Variants in AMMECR1 observed in about 807,000 individuals in gnomAD.
AMMECR1 encodes nuclear protein AMMECR1.
AMMECR1 carries 3 observed loss-of-function variants against 22.5 expected under a neutral mutation model. The observed-to-expected ratio is 0.13, with a 90% CI of 0.06 to 0.35. The LOEUF (loss-of-function observed/expected upper bound fraction) is 0.35. Among genes scored for constraint, AMMECR1 ranks in the 10% least tolerant of loss-of-function variants. The pLI, the probability that AMMECR1 is intolerant of heterozygous loss-of-function variation, is 1.00. For missense variants in AMMECR1, 235 were observed against 278.7 expected, an observed-to-expected ratio of 0.84 and a Z score of 1.12; for synonymous variants, 130 against 116.7, an observed-to-expected ratio of 1.11 and a Z score of -0.74.
In AMMECR1 at chrX:110,317,795, C is replaced by A; in HGVS notation, c.277G>T (p.Val93Leu). 2 of 1,168,156 alleles carry A rather than the reference C, an allele frequency of 1.7e-6. No individual in the cohort carries two copies. Among genetic ancestry groups the A allele is most frequent in the Non-Finnish European group, 2.3e-6 (2 of 873,311 alleles). ...IALSPPPSCG[V>L]GTLLSTPAAA... ...GCCGGGGTAGAAAGTAGGGTCCCCA[C>A]TCCGCAGCTCGGAGGTGGCGACAGG... Residue 93 changes from valine (V) to leucine (L), a missense_variant, in exon 1 of 6, where the codon GTG becomes TTG. By Grantham distance (32) the Val-to-Leu change is conservative (BLOSUM62 1). Transcript: ENST00000262844.
At chrX:110,321,268 G>T (rs1034798986), upstream of AMMECR1, among the ~76,000 whole-genome samples, 1 of 110,659 alleles carries the variant, frequency 9.0e-6, no homozygotes, top group Non-Finnish European at 1.9e-5. Context: ...ATACTGGACT[G>T]CAGTGATAAT....
intron 1 of AMMECR1, among the ~76,000 whole-genome samples, chrX:110,280,560 T>C (rs1213618694): frequency 1.8e-5 from 2 of 111,799 alleles, no homozygotes; most frequent in Non-Finnish European, 3.8e-5. Flanking sequence ...AATACTTATA[T>C]AACATTTTTA....
intron 2 of AMMECR1, among the ~76,000 whole-genome samples, chrX:110,345,620 G>A (rs182395306): frequency 6.0e-4 from 66 of 110,527 alleles, no homozygotes; most frequent in Middle Eastern, 4.7e-3. Context: ...TACCTACTGG[G>A]TACTCTGCTC....
chrX:110,368,192 A>G (rs2068311852), intron 2 of AMMECR1, among the ~76,000 whole-genome samples: 1 of 109,737 alleles, frequency 9.1e-6, no homozygotes, highest in African/African-American at 3.3e-5. Context: ...ACCTTAATCC[A>G]AGCCAGCATC....
At chrX:110,394,200 A>C (rs2068513581) in intron 2 of AMMECR1, among the ~76,000 whole-genome samples, 1 of 112,893 alleles carries the variant, frequency 8.9e-6, no homozygotes, top group Admixed American at 9.3e-5. Flanking sequence ...ATGTTTAATT[A>C]ACTTATTAAT....
intron 2 of AMMECR1, among the ~76,000 whole-genome samples, chrX:110,228,919 G>C (rs1037689110): frequency 2.7e-5 from 3 of 112,285 alleles, no homozygotes; most frequent in African/African-American, 9.7e-5. Context: ...TTTTAAAATA[G>C]AGTATTTGGT....
Position 110,242,295 on chromosome X carries a change from A to G in AMMECR1, c.584+22194T>C, listed in dbSNP as rs140398217. On this transcript the variant is annotated intron_variant, in intron 2 of 5. Transcript: ENST00000262844. ...TAGAAACCTTCAAAATATCAGAACTACCAAATGTGTTTTCTTAAGAACATT... is the reference window on the plus strand; with the variant it reads ...TAGAAACCTTCAAAATATCAGAACTGCCAAATGTGTTTTCTTAAGAACATT... 4.6e-3 allele frequency among the ~76,000 whole-genome samples: 518 copies of G among 112,009 alleles called. 3 individuals are homozygous for G. Among genetic ancestry groups the G allele is most frequent in the African/African-American group, 0.016 (504 of 30,835 alleles).
intron 2 of AMMECR1, among the ~76,000 whole-genome samples, chrX:110,421,032 T>C (rs1283920028): frequency 1.8e-5 from 2 of 111,984 alleles, no homozygotes; most frequent in African/African-American, 3.3e-5. Flanking sequence ...GTCATTGATA[T>C]TTGCGTGAAA....
At chrX:110,254,196 T>C (rs2067699389) in intron 2 of AMMECR1, among the ~76,000 whole-genome samples, 1 of 111,773 alleles carries the variant, frequency 8.9e-6, no homozygotes, top group Non-Finnish European at 1.9e-5. Flanking sequence ...AATATTAGTC[T>C]ACATCGGTAC....
intron 2 of AMMECR1, chrX:110,224,934 G>GT (rs904595361): frequency 2.5e-4 from 83 of 334,309 alleles, no homozygotes; most frequent in Non-Finnish European, 2.9e-4. Flanking sequence ...TCTCCAAGCT[G>GT]TTTTTTTTTA....
chrX:110,344,515 G>A (rs1386846051), intron 2 of AMMECR1, among the ~76,000 whole-genome samples: 2 of 111,355 alleles, frequency 1.8e-5, no homozygotes, highest in African/African-American at 6.6e-5. Flanking sequence ...AAACTAAAGA[G>A]CTTCTGCACA....
chrX:110,318,030 G>T lies in AMMECR1; in HGVS notation c.42C>A (p.Ser14=). ...GCCGVKKQKL[S]SSPPSGSGGG... Reference sequence around the variant, plus strand: ...CACCCGAGCCAGAGGGGGGCGAACTGGACAGTTTCTGCTTCTTCACCCCGC... The same window carrying T: ...CACCCGAGCCAGAGGGGGGCGAACTTGACAGTTTCTGCTTCTTCACCCCGC... The change falls in exon 1 of 6, where the codon TCC becomes TCA. Residue 14 remains serine (S), a synonymous_variant. Coordinates refer to ENST00000262844, the MANE Select transcript of AMMECR1 (RefSeq NM_015365.3). 8.3e-7 allele frequency: 1 copy of T among 1,206,160 alleles called. No homozygotes were observed. Among genetic ancestry groups the T allele is most frequent in the Non-Finnish European group, 1.1e-6 (1 of 893,593 alleles).
At chrX:110,272,838 TC>T (rs2067806428) in intron 1 of AMMECR1, among the ~76,000 whole-genome samples, 1 of 112,252 alleles carries the variant, frequency 8.9e-6, no homozygotes, top group Non-Finnish European at 1.9e-5. Flanking sequence ...AGGACACAAT[TC>T]CATTCTTTTT....
chrX:110,308,528 T>C (rs2068009360), intron 1 of AMMECR1, among the ~76,000 whole-genome samples: 1 of 111,091 alleles, frequency 9.0e-6, no homozygotes, highest in Admixed American at 9.5e-5. Flanking sequence ...CCCACCTCAT[T>C]AGTGTCGGAA....
intron 1 of AMMECR1, among the ~76,000 whole-genome samples, chrX:110,308,489 G>A (rs746104767): frequency 9.0e-6 from 1 of 111,689 alleles, no homozygotes; most frequent in South Asian, 3.8e-4. Flanking sequence ...GGAGTTTGTG[G>A]AGTAAAGTAT....
chrX:110,429,228 C>G (rs2068776998), intron 1 of AMMECR1, among the ~76,000 whole-genome samples: 1 of 110,600 alleles, frequency 9.0e-6, no homozygotes, highest in African/African-American at 3.3e-5. Context: ...AGGGCAAGGA[C>G]TCTATTTTGT....
At chrX:110,330,021 A>C (rs188185828) in intron 2 of AMMECR1, among the ~76,000 whole-genome samples, 2 of 111,749 alleles carry the variant, frequency 1.8e-5, no homozygotes, top group Non-Finnish European at 3.8e-5. Flanking sequence ...TAGAAAAAAT[A>C]AATCACAAAA....
Position 110,333,392 on chromosome X carries a change from A to T in AMMECR1, c.-147-15543T>A, listed in dbSNP as rs2068128631. On this transcript the variant is annotated intron_variant, in intron 2 of 7. Coordinates refer to the AMMECR1 transcript ENST00000372057. ...TTTTATGCTGTTGGTGGGAGTGTAA[A>T]TTAGTTCAACCATTGTGGAAGACAG... Among the ~76,000 whole-genome samples, 6 of 112,007 alleles carry T rather than the reference A, an allele frequency of 5.4e-5. No individual in the cohort carries two copies. The South Asian group carries it at 2.3e-3, about 42-fold the overall frequency.
At chrX:110,217,567 G>T (rs1029681271) in intron 2 of AMMECR1, among the ~76,000 whole-genome samples, 2 of 105,804 alleles carry the variant, frequency 1.9e-5, no homozygotes, top group African/African-American at 7.0e-5. Context: ...ACTTTTAAAA[G>T]AAACCACTTC....
Sources: gnomAD v4.1 joint callset for allele counts (sites outside exome capture counted in the v4.1 genomes callset) on GRCh38, gnomAD v4.1.1 for gene constraint, MANE v1.5 for transcripts, NCBI Gene and HGNC (gene_info 2026-07-23, HGNC 2026-07-21) for gene names.